The following ELF2 variants were observed in gnomAD, a reference collection of about 807,000 sequenced individuals.
ELF2 encodes the protein E74 like ETS transcription factor 2, also known as ETS-related transcription factor Elf-2.
A neutral mutation model predicts 54.8 loss-of-function variants in ELF2; 11 were observed. The ratio of observed to expected loss-of-function variants is 0.20; its 90% CI spans 0.13 to 0.33. The LOEUF is 0.33. Among genes scored for constraint, ELF2 ranks in the 10% least tolerant of loss-of-function variants. The pLI is 1.00. For missense variants in ELF2, 513 were observed against 703.0 expected, an observed-to-expected ratio of 0.73 and a Z score of 3.06; for synonymous variants, 203 against 245.1, an observed-to-expected ratio of 0.83 and a Z score of 1.61.
intron 4 of ELF2, among the ~76,000 whole-genome samples, chr4:139,088,371 T>C (rs1410164408): frequency 6.6e-6 from 1 of 152,156 alleles, no homozygotes; most frequent in Non-Finnish European, 1.5e-5. Flanking sequence ...AAGGAATATT[T>C]AGATTAACCA....
chr4:139,085,517 G>GC (rs1731885425), intron 4 of ELF2, among the ~76,000 whole-genome samples: 1 of 152,132 alleles, frequency 6.6e-6, no homozygotes, highest in Non-Finnish European at 1.5e-5. Context: ...ATAAAAGCTT[G>GC]CCCAACATGA....
In ELF2 at chr4:139,128,748, C is replaced by A. The variant is rs556918969; in HGVS notation, c.73-3419G>T. On this transcript the variant is annotated intron_variant, in intron 3 of 9. Coordinates refer to ENST00000686138, the MANE Select transcript of ELF2 (RefSeq NM_001331036.3). ...TGTTGCCCAGGCTGGTCTTGAACTC[C>A]TGGACTCGAGCAATCCACTTGCCTC... Among the ~76,000 whole-genome samples, 9 of 152,104 alleles carry A rather than the reference C, an allele frequency of 5.9e-5. No homozygotes were observed. The South Asian group carries it at 1.2e-3, about 21-fold the overall frequency.
chr4:139,161,094 T>C (rs1348525079), intron 1 of ELF2, among the ~76,000 whole-genome samples: 2 of 152,216 alleles, frequency 1.3e-5, no homozygotes, highest in Non-Finnish European at 1.5e-5. Context: ...TATGTACATA[T>C]ATTATGTTGC....
At chr4:139,158,666 G>C (rs1001220514) in intron 1 of ELF2, among the ~76,000 whole-genome samples, 1 of 152,070 alleles carries the variant, frequency 6.6e-6, no homozygotes, top group African/African-American at 2.4e-5. Context: ...GCCTGGATAC[G>C]GTTTTGTATG....
intron 4 of ELF2, among the ~76,000 whole-genome samples, chr4:139,116,411 G>A (rs1735724900): frequency 6.6e-6 from 1 of 151,286 alleles, no homozygotes; most frequent in African/African-American, 2.4e-5. Context: ...TAGCTTCCAA[G>A]GAAGTAGAGG....
chr4:139,177,442 G>A (rs1395555273), upstream of ELF2, among the ~76,000 whole-genome samples: 3 of 151,232 alleles, frequency 2.0e-5, no homozygotes, highest in Non-Finnish European at 4.4e-5. Context: ...ACCCCGCGGG[G>A]CCCCGCCGCC....
At chr4:139,075,945 G>A (rs1267588074) in intron 4 of ELF2, among the ~76,000 whole-genome samples, 2 of 151,960 alleles carry the variant, frequency 1.3e-5, no homozygotes, top group African/African-American at 4.8e-5. Flanking sequence ...GGAACTAAAA[G>A]TAAATGTTTA....
At chr4:139,086,927 C>T (rs1732044964) in intron 4 of ELF2, among the ~76,000 whole-genome samples, 3 of 152,112 alleles carry the variant, frequency 2.0e-5, no homozygotes, top group Admixed American at 1.3e-4. Context: ...AGGAAAAGGA[C>T]TATGGCTAAT....
intron 1 of ELF2, among the ~76,000 whole-genome samples, chr4:139,165,196 TTTTG>T (rs377195416): frequency 1.1e-4 from 16 of 152,188 alleles, no homozygotes; most frequent in South Asian, 2.1e-4. Context: ...GGTTTGGGGT[TTTTG>T]TTTGTTTGTT....
intron 7 of ELF2, among the ~76,000 whole-genome samples, chr4:139,065,642 G>A (rs556323164): frequency 2.0e-5 from 3 of 152,244 alleles, no homozygotes; most frequent in East Asian, 1.9e-4. Context: ...GACTGTAACA[G>A]CTTCAATTAA....
chr4:139,172,731 A>G (rs1170822745), intron 1 of ELF2, among the ~76,000 whole-genome samples: 1 of 152,124 alleles, frequency 6.6e-6, no homozygotes, highest in Non-Finnish European at 1.5e-5. Context: ...TAACTATTCT[A>G]TTGTATTGTT....
At chr4:139,132,065 AAG>A (rs1737545189) in intron 3 of ELF2, among the ~76,000 whole-genome samples, 1 of 152,204 alleles carries the variant, frequency 6.6e-6, no homozygotes, top group African/African-American at 2.4e-5. Flanking sequence ...AACCTGGTGA[AAG>A]AGAGGTGAGC....
At chr4:139,111,459 C>A (rs933475285) in intron 4 of ELF2, among the ~76,000 whole-genome samples, 4 of 150,704 alleles carry the variant, frequency 2.7e-5, no homozygotes, top group African/African-American at 7.3e-5. Flanking sequence ...CAAGGAGTAG[C>A]TGGGACTACA....
intron 9 of ELF2, 50 bp from the exon 10 acceptor site, chr4:139,059,657 A>G: frequency 6.4e-7 from 1 of 1,558,898 alleles, no homozygotes; most frequent in Non-Finnish European, 8.6e-7. Flanking sequence ...CCAACTGAGA[A>G]AATAGGTCTC....
At chr4:139,135,212 C>G (rs1738000421) in intron 3 of ELF2, among the ~76,000 whole-genome samples, 1 of 142,640 alleles carries the variant, frequency 7.0e-6, no homozygotes, top group Non-Finnish European at 1.5e-5. Context: ...AATATATATT[C>G]TATTATACAT....
intron 1 of ELF2, among the ~76,000 whole-genome samples, chr4:139,150,291 C>T (rs1484082633): frequency 2.7e-5 from 4 of 150,702 alleles, no homozygotes; most frequent in East Asian, 2.0e-4. Context: ...TGCTTGAACC[C>T]GGGTGGCAGA....
chr4:139,082,177 T>C (rs921714969), intron 4 of ELF2, among the ~76,000 whole-genome samples: 1 of 152,218 alleles, frequency 6.6e-6, no homozygotes, highest in African/African-American at 2.4e-5. Context: ...TTCAAAGTTT[T>C]GATGCAAAGG....
chr4:139,060,203 C>T, intron 9 of ELF2, 121 bp downstream of exon 9: 1 of 906,392 alleles, frequency 1.1e-6, no homozygotes, highest in Non-Finnish European at 1.6e-6. Context: ...AAGCACTTTT[C>T]AAAGTCCTGA....
chr4:139,060,684 G>T lies in ELF2; in HGVS notation c.807-10C>A. ...CCTTTGGTAGTAGTATCTGTAAGGG[G>T]AAAATGTACCAAATGAATCAAGTAT... On this transcript the variant is annotated splice_polypyrimidine_tract_variant and intron_variant, in intron 8 of 9. Coordinates refer to ENST00000686138, the MANE Select transcript of ELF2 (RefSeq NM_001331036.3). 6.4e-7 allele frequency: 1 copy of T among 1,562,980 alleles called. No individual in the cohort carries two copies. The highest frequency in any genetic ancestry group is 1.2e-5 in the South Asian group (1 of 82,518).
Sources: allele counts gnomAD v4.1 joint callset (sites outside exome capture counted in the v4.1 genomes callset), GRCh38; gene constraint gnomAD v4.1.1; transcripts MANE v1.5; gene names NCBI Gene and HGNC (gene_info 2026-07-23, HGNC 2026-07-21).